Variants in SPOCK3 observed in about 807,000 individuals in gnomAD.
SPOCK3 encodes SPARC (osteonectin), cwcv and kazal like domains proteoglycan 3.
In SPOCK3, 30 loss-of-function variants were observed where a neutral mutation model predicts 56.6. That is an observed-to-expected ratio of 0.53 (90% confidence interval 0.40 to 0.72). SPOCK3 has a LOEUF of 0.72. Among genes scored for constraint, SPOCK3 ranks in the 30% least tolerant of loss-of-function variants. The pLI, the probability that SPOCK3 is intolerant of heterozygous loss-of-function variation, is 0.00. For missense variants in SPOCK3, 527 were observed against 530.0 expected, an observed-to-expected ratio of 0.99 and a Z score of 0.06; for synonymous variants, 196 against 183.3, an observed-to-expected ratio of 1.07 and a Z score of -0.56.
intron 4 of SPOCK3, among the ~76,000 whole-genome samples, chr4:166,952,697 C>T (rs1378542246): frequency 6.6e-6 from 1 of 152,138 alleles, no homozygotes; most frequent in Non-Finnish European, 1.5e-5. Context: ...TACAAGGCTA[C>T]AGTAACCAAA....
chr4:166,951,515 T>C (rs1185058063), intron 4 of SPOCK3, among the ~76,000 whole-genome samples: 1 of 141,354 alleles, frequency 7.1e-6, no homozygotes, highest in African/African-American at 2.9e-5. Context: ...AAAGAGGAAC[T>C]GGTACCATTC....
At chr4:167,088,759 G>A (rs947461417) in intron 2 of SPOCK3, among the ~76,000 whole-genome samples, 5 of 152,004 alleles carry the variant, frequency 3.3e-5, no homozygotes, top group African/African-American at 1.2e-4. Flanking sequence ...CACCATGCCT[G>A]GCTGCTCATT....
intron 2 of SPOCK3, among the ~76,000 whole-genome samples, chr4:167,112,789 C>G (rs116297114): frequency 0.012 from 1,796 of 151,802 alleles, 18 homozygotes; most frequent in Non-Finnish European, 0.02. Flanking sequence ...AGGAGAGACC[C>G]CATCAAAAAT....
chr4:166,819,669 C>T (rs1744721867), intron 6 of SPOCK3, among the ~76,000 whole-genome samples: 1 of 151,566 alleles, frequency 6.6e-6, no homozygotes, highest in African/African-American at 2.4e-5. Context: ...AACATGTACA[C>T]ACTGAAACTA....
At chr4:166,804,911 T>A (rs1251858701) in intron 6 of SPOCK3, among the ~76,000 whole-genome samples, 1 of 152,094 alleles carries the variant, frequency 6.6e-6, no homozygotes, top group African/African-American at 2.4e-5. Context: ...TGAGGAAATG[T>A]TCCAAAGTCA....
intron 3 of SPOCK3, among the ~76,000 whole-genome samples, chr4:167,025,065 T>C (rs1433134630): frequency 6.6e-6 from 1 of 152,006 alleles, no homozygotes; most frequent in African/African-American, 2.4e-5. Context: ...GAGAGCTATA[T>C]GGATAGTCCT....
intron 3 of SPOCK3, among the ~76,000 whole-genome samples, chr4:167,031,884 T>C (rs1291600439): frequency 6.6e-6 from 1 of 151,974 alleles, no homozygotes; most frequent in Admixed American, 6.6e-5. Flanking sequence ...TTCTTTAGGG[T>C]TTTGTATCTG....
chr4:166,952,056 C>A (rs1742710961), intron 4 of SPOCK3, among the ~76,000 whole-genome samples: 1 of 152,168 alleles, frequency 6.6e-6, no homozygotes, highest in Admixed American at 6.5e-5. Flanking sequence ...CACTCCTATT[C>A]AACATAGTGT....
At chr4:166,836,314 C>T (rs1002725340) in intron 6 of SPOCK3, among the ~76,000 whole-genome samples, 3 of 152,052 alleles carry the variant, frequency 2.0e-5, no homozygotes, top group Non-Finnish European at 4.4e-5. Flanking sequence ...ATTCTCAACA[C>T]GATTTTATCA....
intron 4 of SPOCK3, among the ~76,000 whole-genome samples, chr4:166,953,577 A>G (rs577166747): frequency 6.6e-6 from 1 of 152,250 alleles, no homozygotes; most frequent in East Asian, 1.9e-4. Flanking sequence ...CAGCCATCCC[A>G]TTACTGGGTA....
chr4:167,011,042 C>A (rs1253660897), intron 3 of SPOCK3, among the ~76,000 whole-genome samples: 1 of 151,406 alleles, frequency 6.6e-6, no homozygotes, highest in African/African-American at 2.4e-5. Context: ...TAAACTAGCA[C>A]AAAGTAAAAT....
chr4:166,863,260 G>GAAAGGAGCTCTTTCC (rs1197884410), intron 6 of SPOCK3, among the ~76,000 whole-genome samples: 5 of 151,988 alleles, frequency 3.3e-5, no homozygotes, highest in Admixed American at 3.3e-4. Context: ...CCTGAATATG[G>GAAAGGAGCTCTTTCC]AAAGGAGCTC....
chr4:167,071,985 A>G (rs1756731540), intron 2 of SPOCK3, among the ~76,000 whole-genome samples: 1 of 152,040 alleles, frequency 6.6e-6, no homozygotes, highest in Non-Finnish European at 1.5e-5. Context: ...TTGTAACTAT[A>G]AAGACATTAA....
intron 4 of SPOCK3, among the ~76,000 whole-genome samples, chr4:166,995,445 A>G (rs1748260425): frequency 6.6e-6 from 1 of 152,108 alleles, no homozygotes; most frequent in African/African-American, 2.4e-5. Flanking sequence ...AAATAAATTT[A>G]TGAAAAGTTA....
At chr4:167,004,805 T>C (rs570648659) in intron 3 of SPOCK3, among the ~76,000 whole-genome samples, 1 of 152,148 alleles carries the variant, frequency 6.6e-6, no homozygotes, top group Non-Finnish European at 1.5e-5. Context: ...TATTTGGTGG[T>C]GAGAAAAAAA....
chr4:167,077,269 T>TACACACACAC (rs553960996), intron 2 of SPOCK3, among the ~76,000 whole-genome samples: 1 of 149,616 alleles, frequency 6.7e-6, no homozygotes, highest in East Asian at 2.0e-4. Flanking sequence ...TCATTCTACA[T>TACACACACAC]ACACACACAC....
rs541797409 is a variant in SPOCK3 at position 167,168,270 on chromosome 4, G to A, written c.189+65715C>T. On this transcript the variant is annotated intron_variant, in intron 2 of 10. Coordinates refer to ENST00000357545, the MANE Select transcript of SPOCK3 (RefSeq NM_001040159.2). ...AAAATGTGGAAGCAACTTTGGAACT[G>A]GGTAACAGGCAGAAGTTGGAACTGT... Among the ~76,000 whole-genome samples the A allele has an allele frequency of 2.0e-5, 3 of 152,250 alleles. No homozygotes were observed. The South Asian group carries it at 6.2e-4, about 32-fold the overall frequency.
chr4:167,044,614 T>C (rs1753550277), intron 3 of SPOCK3, among the ~76,000 whole-genome samples: 1 of 152,096 alleles, frequency 6.6e-6, no homozygotes, highest in Admixed American at 6.6e-5. Flanking sequence ...ATAATTTGTT[T>C]TCACTTTTAT....
intron 2 of SPOCK3, among the ~76,000 whole-genome samples, chr4:167,157,812 C>G (rs1399273839): frequency 6.6e-6 from 1 of 151,748 alleles, no homozygotes; most frequent in Non-Finnish European, 1.5e-5. Flanking sequence ...AGATATTTCT[C>G]CCCATCTTTG....
Sources: allele counts gnomAD v4.1 joint callset (sites outside exome capture counted in the v4.1 genomes callset), GRCh38; gene constraint gnomAD v4.1.1; transcripts MANE v1.5; gene names NCBI Gene and HGNC (gene_info 2026-07-23, HGNC 2026-07-21).